The following ANO2 variants were observed in gnomAD, a reference collection of about 807,000 sequenced individuals.
ANO2 encodes anoctamin-2.
ANO2 carries 101 observed loss-of-function variants against 124.2 expected under a neutral mutation model. That is an observed-to-expected ratio of 0.81 (90% CI 0.69 to 0.96). The LOEUF (loss-of-function observed/expected upper bound fraction) is 0.96. Among genes scored for constraint, ANO2 ranks in the 40% least tolerant of loss-of-function variants. The probability of loss-of-function intolerance (pLI) is 0.00; values close to 1 mark genes in which losing one functional copy is unlikely to be tolerated. For missense variants in ANO2, 1,293 were observed against 1,274.5 expected, an observed-to-expected ratio of 1.01 and a Z score of -0.22; for synonymous variants, 486 against 482.5, an observed-to-expected ratio of 1.01 and a Z score of -0.09.
chr12:5,792,201 C>A (rs1234898348), intron 10 of ANO2, among the ~76,000 whole-genome samples: 5 of 152,148 alleles, frequency 3.3e-5, no homozygotes, highest in Non-Finnish European at 7.3e-5. Context: ...AAACTGAGTT[C>A]TTTTCACTCT....
At chr12:5,840,046 A>T (rs1454266398) in intron 4 of ANO2, among the ~76,000 whole-genome samples, 1 of 151,986 alleles carries the variant, frequency 6.6e-6, no homozygotes, top group Non-Finnish European at 1.5e-5. Context: ...AGACACCCCA[A>T]TCCTCTTTAT....
intron 10 of ANO2, among the ~76,000 whole-genome samples, chr12:5,758,715 A>G (rs1352072136): frequency 6.6e-6 from 1 of 152,214 alleles, no homozygotes; most frequent in African/African-American, 2.4e-5. Flanking sequence ...ACCTCACTCA[A>G]CTAGATTGAC....
Position 5,629,793 on chromosome 12 carries a change from G to A in ANO2, c.1816+5359C>T, listed in dbSNP as rs538052845. 1.5e-4 allele frequency among the ~76,000 whole-genome samples: 23 copies of A among 152,248 alleles called. No homozygotes were observed. In the South Asian group the frequency reaches 4.8e-3, roughly 32 times the overall value. On this transcript the variant is annotated intron_variant, in intron 16 of 24. Coordinates refer to ENST00000682330, the MANE Select transcript of ANO2 (RefSeq NM_001364791.2). Reference sequence around the variant, plus strand: ...TGTACACTGTGTCTTGGCCAGCCAGGCTCCCTCTAGGACACAGCTCCAAAT... The same window carrying A: ...TGTACACTGTGTCTTGGCCAGCCAGACTCCCTCTAGGACACAGCTCCAAAT...
intron 1 of ANO2, among the ~76,000 whole-genome samples, chr12:5,929,810 TCACTTTCTTACCA>T (rs1942272943): frequency 6.8e-6 from 1 of 147,034 alleles, no homozygotes; most frequent in African/African-American, 2.5e-5. Flanking sequence ...TCCTTATTAG[TCACTTTCTTACCA>T]GTCTTCCTTC....
intron 14 of ANO2, among the ~76,000 whole-genome samples, chr12:5,677,630 C>T (rs2136996187): frequency 6.6e-6 from 1 of 152,268 alleles, no homozygotes. Flanking sequence ...CCACCTCCAT[C>T]CCTGACCATA....
At chr12:5,808,350 G>A (rs940166477) in intron 7 of ANO2, among the ~76,000 whole-genome samples, 5 of 152,144 alleles carry the variant, frequency 3.3e-5, no homozygotes, top group South Asian at 2.1e-4. Context: ...TAAAGTCGTC[G>A]TTATTTACTT....
intron 12 of ANO2, among the ~76,000 whole-genome samples, chr12:5,740,737 C>T (rs1951066371): frequency 6.6e-6 from 1 of 152,186 alleles, no homozygotes; most frequent in African/African-American, 2.4e-5. Context: ...ACACTACCTG[C>T]CTACATGTTC....
intron 7 of ANO2, among the ~76,000 whole-genome samples, chr12:5,811,474 ATCG>A (rs559143360): frequency 1.4e-3 from 220 of 152,366 alleles, no homozygotes; most frequent in Non-Finnish European, 2.5e-3. Context: ...TAATTAAGAC[ATCG>A]TCTCCTGATT....
chr12:5,650,625 G>A (rs1202762999), intron 14 of ANO2, among the ~76,000 whole-genome samples: 1 of 152,096 alleles, frequency 6.6e-6, no homozygotes, highest in Non-Finnish European at 1.5e-5. Flanking sequence ...CTCCATTCAC[G>A]GATACATTAA....
At chr12:5,688,177 G>A (rs537501342) in intron 14 of ANO2, among the ~76,000 whole-genome samples, 5 of 152,236 alleles carry the variant, frequency 3.3e-5, no homozygotes, top group South Asian at 2.1e-4. Flanking sequence ...TGCCAAAACC[G>A]TACTCCAAAT....
chr12:5,793,610 T>C (rs1390022800), intron 10 of ANO2, among the ~76,000 whole-genome samples: 1 of 152,214 alleles, frequency 6.6e-6, no homozygotes, highest in African/African-American at 2.4e-5. Context: ...TGCCCTGGAA[T>C]TCCAGGTGGC....
At chr12:5,736,941 G>A (rs1950892318) in intron 13 of ANO2, among the ~76,000 whole-genome samples, 1 of 152,058 alleles carries the variant, frequency 6.6e-6, no homozygotes, top group South Asian at 2.1e-4. Flanking sequence ...CTCTACATTA[G>A]CCAGAGCAAT....
intron 10 of ANO2, among the ~76,000 whole-genome samples, chr12:5,785,546 T>TTGGTTTA (rs1952515815): frequency 6.6e-6 from 1 of 152,132 alleles, no homozygotes; most frequent in African/African-American, 2.4e-5. Flanking sequence ...TGACACATCA[T>TTGGTTTA]TGGTTTATGT....
At chr12:5,601,849 C>T (rs1315775695) in intron 19 of ANO2, among the ~76,000 whole-genome samples, 1 of 152,098 alleles carries the variant, frequency 6.6e-6, no homozygotes, top group Non-Finnish European at 1.5e-5. Flanking sequence ...GGACAGTGTA[C>T]GAGGGAGTCA....
intron 3 of ANO2, among the ~76,000 whole-genome samples, chr12:5,857,671 T>C (rs1014359817): frequency 6.6e-6 from 1 of 152,236 alleles, no homozygotes; most frequent in Non-Finnish European, 1.5e-5. Flanking sequence ...CTATGTCTTC[T>C]TTTATGAAGT....
chr12:5,680,561 G>A (rs564948561), intron 14 of ANO2, among the ~76,000 whole-genome samples: 1 of 152,196 alleles, frequency 6.6e-6, no homozygotes, highest in Non-Finnish European at 1.5e-5. Flanking sequence ...TGTGGGCTCA[G>A]AGAGCTGCCT....
At chr12:5,578,062 A>G (rs1942520291) in intron 21 of ANO2, 55 bp from the exon 22 acceptor site, 1 of 1,565,998 alleles carries the variant, frequency 6.4e-7, no homozygotes, top group Non-Finnish European at 8.7e-7. Context: ...CCCAGTGATG[A>G]CAACGCTGAA....
chr12:5,923,081 T>TACACACACGCATACACAC (rs762559906), intron 1 of ANO2, among the ~76,000 whole-genome samples: 2 of 21,892 alleles, frequency 9.1e-5, no homozygotes, highest in African/African-American at 2.1e-4. Context: ...CATGCACACA[T>TACACACACGCATACACAC]ACACACACAC....
chr12:5,816,899 T>C (rs1953628568), intron 7 of ANO2, among the ~76,000 whole-genome samples: 1 of 152,200 alleles, frequency 6.6e-6, no homozygotes, highest in Non-Finnish European at 1.5e-5. Context: ...GAAATTATGC[T>C]AAACTCAGCT....
Sources: allele counts gnomAD v4.1 joint callset (sites outside exome capture counted in the v4.1 genomes callset), GRCh38; gene constraint gnomAD v4.1.1; transcripts MANE v1.5; gene names NCBI Gene and HGNC (gene_info 2026-07-23, HGNC 2026-07-21).